PTPRM: variants seen among roughly 807,000 people sequenced by gnomAD.
PTPRM encodes the protein receptor-type tyrosine-protein phosphatase mu.
PTPRM carries 47 observed loss-of-function variants against 186.7 expected under a neutral mutation model. The ratio of observed to expected loss-of-function variants is 0.25; its 90% CI spans 0.20 to 0.32. The LOEUF is 0.32. Ranked by LOEUF, PTPRM falls within the 10% of genes least tolerant of loss-of-function variation. The pLI is 1.00. For missense variants in PTPRM, 1,494 were observed against 1,865.0 expected (o/e 0.80, Z 3.66); for synonymous variants, 668 against 674.9 (o/e 0.99, Z 0.16).
intron 4 of PTPRM, among the ~76,000 whole-genome samples, chr18:7,917,607 A>G (rs1237428692): frequency 6.6e-6 from 1 of 152,236 alleles, no homozygotes; most frequent in East Asian, 1.9e-4. Flanking sequence ...AATTTAATAC[A>G]TGTATACAAT....
chr18:7,949,134 A>G (rs1406643187), intron 5 of PTPRM, 47 bp from the exon 6 acceptor site: 2 of 1,487,572 alleles, frequency 1.3e-6, no homozygotes, highest in African/African-American at 1.4e-5. Context: ...TTTTGCTCTG[A>G]CAGCTTATAT....
intron 1 of PTPRM, among the ~76,000 whole-genome samples, chr18:7,721,216 T>C (rs565538394): frequency 3.0e-4 from 45 of 152,098 alleles, no homozygotes; most frequent in African/African-American, 1.1e-3. Context: ...TGCGTTTCCC[T>C]AATGATTAAT....
rs139346842 is a variant in PTPRM at position 8,395,837 on chromosome 18, T to G, written c.4344+1226T>G. 5.5e-3 allele frequency among the ~76,000 whole-genome samples: 836 copies of G among 152,350 alleles called. 7 individuals are homozygous for G. Among genetic ancestry groups the G allele is most frequent in the Non-Finnish European group, 8.0e-3 (547 of 68,030 alleles). ...TAGGTGACCCCAAACACATTAGTTT[T>G]GTCATTTAAGTGTCCTTAAGCATGT... On this transcript the variant is annotated intron_variant, in intron 32 of 32. Coordinates refer to ENST00000580170, the MANE Select transcript of PTPRM (RefSeq NM_001105244.2).
chr18:7,806,136 G>T (rs2044222850), intron 2 of PTPRM, among the ~76,000 whole-genome samples: 1 of 152,162 alleles, frequency 6.6e-6, no homozygotes. Flanking sequence ...TGAACCCACA[G>T]TGGAAACTGG....
chr18:8,115,849 G>C (rs1375923914), intron 13 of PTPRM, among the ~76,000 whole-genome samples: 1 of 152,142 alleles, frequency 6.6e-6, no homozygotes, highest in African/African-American at 2.4e-5. Flanking sequence ...GAACTTACAT[G>C]ACTCTTTTAG....
At chr18:8,400,421 C>T (rs148455753) in intron 32 of PTPRM, among the ~76,000 whole-genome samples, 204 of 152,350 alleles carry the variant, frequency 1.3e-3, no homozygotes, top group African/African-American at 4.8e-3. Flanking sequence ...CCCCCAACTC[C>T]CGGGGGAGCT....
intron 6 of PTPRM, among the ~76,000 whole-genome samples, chr18:7,950,625 A>C (rs1316632993): frequency 6.6e-6 from 1 of 152,166 alleles, no homozygotes; most frequent in East Asian, 1.9e-4. Context: ...GAGGAAGATC[A>C]AATGCAAAGT....
chr18:8,003,974 C>T (rs565643141), intron 7 of PTPRM, among the ~76,000 whole-genome samples: 179 of 152,288 alleles, frequency 1.2e-3, no homozygotes, highest in African/African-American at 4.0e-3. Context: ...TTCTTCCAGC[C>T]CTCAAAAGCA....
chr18:8,212,066 G>A (rs1305287492), intron 14 of PTPRM, among the ~76,000 whole-genome samples: 1 of 152,120 alleles, frequency 6.6e-6, no homozygotes, highest in African/African-American at 2.4e-5. Context: ...GACAGAAGAT[G>A]TCAAGACCTT....
intron 7 of PTPRM, among the ~76,000 whole-genome samples, chr18:7,962,271 G>A (rs542082204): frequency 6.6e-6 from 1 of 152,082 alleles, no homozygotes; most frequent in East Asian, 1.9e-4. Flanking sequence ...TTGGAGGGAG[G>A]GAATATATAG....
rs186977148 is a variant in PTPRM at position 7,781,723 on chromosome 18, A to G, written c.196+7452A>G. Among the ~76,000 whole-genome samples, 191 of 152,294 alleles carry G rather than the reference A, an allele frequency of 1.3e-3. 2 individuals carry two copies. In the East Asian group the frequency reaches 0.033, roughly 26 times the overall value. On this transcript the variant is annotated intron_variant, in intron 2 of 32. Coordinates refer to ENST00000580170, the MANE Select transcript of PTPRM (RefSeq NM_001105244.2). Reference sequence around the variant, plus strand: ...GTTATGGCCCCAGCATTTCCATCTGACACATTTCCTTTATAACCAAGTCTA... The same window carrying G: ...GTTATGGCCCCAGCATTTCCATCTGGCACATTTCCTTTATAACCAAGTCTA...
chr18:7,937,205 C>T (rs1415962998), intron 5 of PTPRM, among the ~76,000 whole-genome samples: 1 of 152,200 alleles, frequency 6.6e-6, no homozygotes, highest in African/African-American at 2.4e-5. Flanking sequence ...CCTTGCTCAC[C>T]ACGTTGTGGG....
At chr18:7,952,197 C>T (rs2053010075) in intron 6 of PTPRM, among the ~76,000 whole-genome samples, 1 of 152,234 alleles carries the variant, frequency 6.6e-6, no homozygotes, top group South Asian at 2.1e-4. Context: ...TAGGCATTTA[C>T]ATGTGCGTAT....
At chr18:7,848,579 C>T (rs1315610550) in intron 2 of PTPRM, among the ~76,000 whole-genome samples, 1 of 151,936 alleles carries the variant, frequency 6.6e-6, no homozygotes, top group Non-Finnish European at 1.5e-5. Context: ...TGAGACCAGA[C>T]TGTGCAACAC....
chr18:8,259,547 C>A (rs1250383572), intron 19 of PTPRM, among the ~76,000 whole-genome samples: 1 of 150,830 alleles, frequency 6.6e-6, no homozygotes, highest in East Asian at 2.0e-4. Flanking sequence ...TTGTTAAATG[C>A]AAGTTCAGTG....
intron 14 of PTPRM, among the ~76,000 whole-genome samples, chr18:8,208,751 A>AT (rs2093963280): frequency 6.6e-6 from 1 of 152,200 alleles, no homozygotes. Flanking sequence ...GCCACAGGCA[A>AT]TCCTCCCACC....
rs78379031 is a variant in PTPRM, at chr18:8,393,048, A to G, written c.4209-1428A>G. Among the ~76,000 whole-genome samples the G allele has an allele frequency of 3.0e-3, 458 of 152,358 alleles. 3 individuals are homozygous for G. Among genetic ancestry groups the G allele is most frequent in the African/African-American group, 0.011 (442 of 41,586 alleles). ...GACAAGATCCACCAACGGATGCTCA[A>G]ATCAGTGGGCGAGAAACAAAATATT... is the stretch of plus-strand genomic sequence containing the variant. On this transcript the variant is annotated intron_variant, in intron 31 of 32. Transcript: ENST00000580170.
At chr18:8,185,304 C>G (rs2093627771) in intron 14 of PTPRM, among the ~76,000 whole-genome samples, 1 of 152,226 alleles carries the variant, frequency 6.6e-6, no homozygotes, top group African/African-American at 2.4e-5. Flanking sequence ...ATTCTTGCAC[C>G]CTGTGCTGTG....
intron 13 of PTPRM, among the ~76,000 whole-genome samples, chr18:8,136,810 C>T (rs2092650167): frequency 6.6e-6 from 1 of 152,062 alleles, no homozygotes; most frequent in African/African-American, 2.4e-5. Context: ...CTAAACAAGA[C>T]TGCAAAGGAT....
Sources: gnomAD v4.1 joint callset for allele counts (sites outside exome capture counted in the v4.1 genomes callset) on GRCh38, gnomAD v4.1.1 for gene constraint, MANE v1.5 for transcripts, NCBI Gene and HGNC (gene_info 2026-07-23, HGNC 2026-07-21) for gene names.